Variants in WDFY4 observed in about 807,000 individuals in gnomAD.
WDFY4 encodes the protein WDFY family member 4.
Under a neutral mutation model 351.9 loss-of-function variants are expected in WDFY4, and 169 were observed. The observed-to-expected ratio is 0.48, with a 90% CI of 0.42 to 0.55. WDFY4 has a LOEUF of 0.55. Ranked by LOEUF, WDFY4 falls within the 20% of genes least tolerant of loss-of-function variation. The pLI is 0.00. For synonymous variants in WDFY4, 1,622 were observed against 1,574.6 expected, an observed-to-expected ratio of 1.03 and a Z score of -0.71; for missense variants, 3,803 against 3,935.6, an observed-to-expected ratio of 0.97 and a Z score of 0.90.
intron 19 of WDFY4, among the ~76,000 whole-genome samples, chr10:48,784,487 T>C: frequency 6.6e-6 from 1 of 150,670 alleles, no homozygotes; most frequent in Non-Finnish European, 1.5e-5. Flanking sequence ...TCCTCAGTGA[T>C]GTCCATCCAT....
At chr10:48,914,288 C>T in intron 47 of WDFY4, 1 of 945,400 alleles carries the variant, frequency 1.1e-6, no homozygotes. Flanking sequence ...ACTGGGCTCC[C>T]CCACGTCATG....
chr10:48,913,174 T>C (rs1446864875), intron 47 of WDFY4, among the ~76,000 whole-genome samples: 1 of 152,130 alleles, frequency 6.6e-6, no homozygotes, highest in African/African-American at 2.4e-5. Context: ...TGTGAGTGTG[T>C]GTGCAGAGGA....
chr10:48,836,968 A>G (rs2068421795), intron 39 of WDFY4, among the ~76,000 whole-genome samples: 1 of 152,164 alleles, frequency 6.6e-6, no homozygotes, highest in Admixed American at 6.5e-5. Flanking sequence ...CTGAAAAGAC[A>G]TCAACAAGCA....
chr10:48,899,429 G>A (rs771530672), intron 45 of WDFY4, among the ~76,000 whole-genome samples: 3 of 152,102 alleles, frequency 2.0e-5, no homozygotes, highest in African/African-American at 4.8e-5. Context: ...GTAGATGCAG[G>A]ACAGGACTCT....
At chr10:48,790,062 C>T in intron 22 of WDFY4, 77 bp downstream of exon 22, 1 of 1,413,982 alleles carries the variant, frequency 7.1e-7, no homozygotes, top group Non-Finnish European at 9.8e-7. Flanking sequence ...CCCTGGAGTT[C>T]TGGAGTGGTG....
chr10:48,764,355 T>C (rs910631110), intron 13 of WDFY4, among the ~76,000 whole-genome samples: 10 of 152,242 alleles, frequency 6.6e-5, no homozygotes, highest in African/African-American at 2.4e-4. Flanking sequence ...GGCATCATCA[T>C]CAATATTAGA....
At chr10:48,808,298 T>C (rs1445165671) in intron 28 of WDFY4, among the ~76,000 whole-genome samples, 3 of 152,220 alleles carry the variant, frequency 2.0e-5, no homozygotes, top group Admixed American at 6.5e-5. Context: ...GACAATAGAA[T>C]GAAGAAATCG....
At chr10:48,855,048 T>G (rs1281374708) in intron 39 of WDFY4, among the ~76,000 whole-genome samples, 2 of 152,038 alleles carry the variant, frequency 1.3e-5, no homozygotes, top group Non-Finnish European at 2.9e-5. Flanking sequence ...TGAAAAAAAT[T>G]GCAAACAAAA....
In WDFY4 at chr10:48,946,991, T is replaced by TACACACACACACACACACACACAC. The variant is rs57927796; in HGVS notation, c.7977+28_7977+51dup. 6 of 1,100,296 alleles carry TACACACACACACACACACACACAC rather than the reference T, an allele frequency of 5.5e-6. No individual in the cohort carries two copies. The African/African-American group carries it at 9.6e-5, about 18-fold the overall frequency. 68.2% of individuals were successfully genotyped at this position (1,100,296 alleles called of 1,614,324 possible). A position where few individuals can be genotyped will look rare whatever the true frequency, so the allele number is the denominator to read the frequency against. ...GCAGGTGAGCTGCTGCCACTCTCTG[T>TACACACACACACACACACACACAC]ACACACACACACACACACACACACA... is the stretch of plus-strand genomic sequence containing the variant. On this transcript the variant is annotated intron_variant, in intron 51 of 61. Coordinates refer to ENST00000325239, the MANE Select transcript of WDFY4 (RefSeq NM_001394531.1).
At chr10:48,854,449 A>G (rs1291158990) in intron 39 of WDFY4, among the ~76,000 whole-genome samples, 1 of 152,042 alleles carries the variant, frequency 6.6e-6, no homozygotes, top group Non-Finnish European at 1.5e-5. Context: ...AATGACTTCA[A>G]TATTTTACAC....
rs1054533759 is a variant in WDFY4 at position 48,779,867 on chromosome 10, A to G, written c.3398-74A>G. Reference sequence around the variant, plus strand: ...AAGGCCCAGTGGTTGACGTCCGCCTATGCCCTCCCCATTCTCCTGGGTTCC... The same window carrying G: ...AAGGCCCAGTGGTTGACGTCCGCCTGTGCCCTCCCCATTCTCCTGGGTTCC... On this transcript the variant is annotated intron_variant, in intron 18 of 61. Transcript: ENST00000325239. 7 of 1,518,380 alleles carry G rather than the reference A, an allele frequency of 4.6e-6. No individual in the cohort carries two copies. The Admixed American group carries it at 8.0e-5, about 17-fold the overall frequency. 94.1% of individuals were successfully genotyped at this position (1,518,380 alleles called of 1,614,324 possible).
Position 48,743,471 on chromosome 10 carries a change from G to A in WDFY4, c.2382G>A (p.Pro794=), listed in dbSNP as rs887422617. ...AGTCCCTGAGGACCAAGCAGGGGCC[G>A]GTTGTGGATGTTCAGAAGGGAGAAA... The part of the protein sequence containing the change: ...LKESLRTKQG[P]VVDVQKGETG... Residue 794 remains proline (P), a synonymous_variant, in exon 12 of 62, where the codon CCG becomes CCA. Transcript: ENST00000325239. 58 of 1,547,698 alleles carry A rather than the reference G, an allele frequency of 3.7e-5. No individual in the cohort carries two copies. Among genetic ancestry groups the A allele is most frequent in the African/African-American group, 1.8e-4 (13 of 73,002 alleles).
At chr10:48,875,603 T>C (rs913631494) in intron 42 of WDFY4, among the ~76,000 whole-genome samples, 2 of 152,158 alleles carry the variant, frequency 1.3e-5, no homozygotes, top group Admixed American at 1.3e-4. Context: ...TTTGTAGAGA[T>C]GGGGTTTTGC....
Position 48,969,197 on chromosome 10 carries a change from C to A in WDFY4, c.8718C>A (p.Ser2906Arg), listed in dbSNP as rs61733242. 3.9e-6 allele frequency: 6 copies of A among 1,551,646 alleles called. No homozygotes were observed. Among genetic ancestry groups the A allele is most frequent in the Non-Finnish European group, 5.2e-6 (6 of 1,146,946 alleles). The change falls in exon 56 of 62, where the codon AGC becomes AGA. Residue 2906 changes from serine to arginine, a missense_variant. By Grantham distance (110) the Ser-to-Arg change is moderately radical (BLOSUM62 -1). Transcript: ENST00000325239. Reference sequence around the variant, plus strand: ...CTCCTCTCTGGAACAGGACCTTCAGCTGGGGCTTTGATGACTTCAGCTGCT... The same window carrying A: ...CTCCTCTCTGGAACAGGACCTTCAGATGGGGCTTTGATGACTTCAGCTGCT... ...LLPPLWNRTF[S>R]WGFDDFSCCL...
chr10:48,926,806 C>T (rs1839608497), intron 47 of WDFY4, among the ~76,000 whole-genome samples: 1 of 152,182 alleles, frequency 6.6e-6, no homozygotes, highest in Admixed American at 6.5e-5. Flanking sequence ...GTTTATGGGG[C>T]ACACATAATG....
At chr10:48,720,204 C>T in intron 3 of WDFY4, 79 bp downstream of exon 3, 9 of 1,411,566 alleles carry the variant, frequency 6.4e-6, no homozygotes, top group Non-Finnish European at 8.7e-6. Flanking sequence ...TCTCAGGCCC[C>T]CCTCTGCTTT....
rs1269318779 is a variant in WDFY4, at chr10:48,931,107, A to G, written c.7587-10699A>G. On this transcript the variant is annotated intron_variant, in intron 47 of 61. Transcript: ENST00000325239. ...CACACTCACACTCAAACACACACACACACACACACACACACACACACACGA... is the reference window on the plus strand; with the variant it reads ...CACACTCACACTCAAACACACACACGCACACACACACACACACACACACGA... 8.1e-4 allele frequency among the ~76,000 whole-genome samples: 10 copies of G among 12,420 alleles called. No individual in the cohort carries two copies. The Admixed American group carries it at 0.023, about 28-fold the overall frequency. The allele number at this position is 12,420 out of a possible 152,430, so 8.1% of individuals were successfully genotyped here.
At chr10:48,915,978 A>T (rs901433901) in intron 47 of WDFY4, among the ~76,000 whole-genome samples, 1 of 152,240 alleles carries the variant, frequency 6.6e-6, no homozygotes, top group Non-Finnish European at 1.5e-5. Context: ...AGGATAAAAC[A>T]GCTTAAAAAA....
Position 48,795,516 on chromosome 10 carries a change from TATATATACATATATATATACACAC to T in WDFY4, c.4258-780_4258-757del, listed in dbSNP as rs1204611672. Among the ~76,000 whole-genome samples, 15 of 106,298 alleles carry T rather than the reference TATATATACATATATATATACACAC, an allele frequency of 1.4e-4. 1 individual carries two copies. Among genetic ancestry groups the T allele is most frequent in the African/African-American group, 4.1e-4 (11 of 26,546 alleles). 69.7% of individuals were successfully genotyped at this position (106,298 alleles called of 152,430 possible). A position where few individuals can be genotyped will look rare whatever the true frequency, so the allele number is the denominator to read the frequency against. On this transcript the variant is annotated intron_variant, in intron 23 of 61. Transcript: ENST00000325239. ...GTATATATATATATATATATATATA[TATATATACATATATATATACACAC>T]ACATGAATAGTCTGGAAAGATATTG...
Sources: allele counts gnomAD v4.1 joint callset (sites outside exome capture counted in the v4.1 genomes callset), GRCh38; gene constraint gnomAD v4.1.1; transcripts MANE v1.5; gene names NCBI Gene and HGNC (gene_info 2026-07-23, HGNC 2026-07-21).